The following MLLT1 variants were observed in gnomAD, a reference collection of about 807,000 sequenced individuals.
MLLT1 encodes protein ENL.
A neutral mutation model predicts 55.1 loss-of-function variants in MLLT1; 11 were observed. The observed-to-expected ratio is 0.20, with a 90% CI of 0.13 to 0.33. MLLT1 has a LOEUF of 0.33. Among genes scored for constraint, MLLT1 ranks in the 10% least tolerant of loss-of-function variants. MLLT1 has a pLI of 1.00. For missense variants in MLLT1, 536 were observed against 760.6 expected, an observed-to-expected ratio of 0.70 and a Z score of 3.47; for synonymous variants, 323 against 320.1, an observed-to-expected ratio of 1.01 and a Z score of -0.10.
intron 1 of MLLT1, among the ~76,000 whole-genome samples, chr19:6,274,905 A>G (rs2091420193): frequency 6.6e-6 from 1 of 152,238 alleles, no homozygotes; most frequent in Non-Finnish European, 1.5e-5. Flanking sequence ...CAGCTGGCAG[A>G]GGGCACTTGG....
chr19:6,261,291 G>A (rs916678638), intron 3 of MLLT1, among the ~76,000 whole-genome samples: 1 of 152,214 alleles, frequency 6.6e-6, no homozygotes, highest in Non-Finnish European at 1.5e-5. Context: ...ATCTGAAATC[G>A]GCCAAGCTGC....
intron 6 of MLLT1, among the ~76,000 whole-genome samples, chr19:6,220,626 G>A (rs558458563): frequency 1.3e-5 from 2 of 152,362 alleles, no homozygotes; most frequent in South Asian, 2.1e-4. Context: ...GGAGCGGGCC[G>A]TGGAGCTGCC....
chr19:6,257,993 T>C (rs1422305886), intron 3 of MLLT1, among the ~76,000 whole-genome samples: 1 of 152,154 alleles, frequency 6.6e-6, no homozygotes, highest in African/African-American at 2.4e-5. Flanking sequence ...AAAACAAGCA[T>C]TGCTGAGGAT....
intron 5 of MLLT1, among the ~76,000 whole-genome samples, chr19:6,224,830 T>C (rs56787791): frequency 0.059 from 9,012 of 152,162 alleles, 445 homozygotes; most frequent in East Asian, 0.15. Context: ...CCCGGGTTCA[T>C]GCCATTCTCC....
chr19:6,214,066 G>T (rs2090811694), intron 8 of MLLT1, 28 bp from the exon 9 acceptor site: 6 of 1,350,294 alleles, frequency 4.4e-6, no homozygotes, highest in Non-Finnish European at 5.8e-6. Context: ...GGCGCATCAG[G>T]CCCCTGCCGC....
At position 6,255,447 on chromosome 19, in the gene MLLT1, C is replaced by A. The variant is rs189160320; in HGVS notation, c.276+6781G>T. On this transcript the variant is annotated intron_variant, in intron 3 of 11. Transcript: ENST00000252674. ...GGCAGAGGTTGCAGTGAGCCAAGAT[C>A]GTGCCACTGCACTCCAGCCTAGGTG... 1.3e-3 allele frequency among the ~76,000 whole-genome samples: 200 copies of A among 152,222 alleles called. 1 individual carries two copies. Among genetic ancestry groups the A allele is most frequent in the African/African-American group, 4.7e-3 (196 of 41,522 alleles).
rs921157739 is a variant in MLLT1, at chr19:6,211,635, G to A, written c.*1407C>T. The A allele has an allele frequency of 3.8e-6, 4 of 1,064,908 alleles. No individual in the cohort carries two copies. The African/African-American group carries it at 6.6e-5, about 17-fold the overall frequency. The allele number at this position is 1,064,908 out of a possible 1,614,324, so 66.0% of individuals were successfully genotyped here. Reference sequence around the variant, plus strand: ...CCCTCTTTTCCTCATAACTTGGTCAGGGCACAAGGACTTGAAAGGACTTGA... The same window carrying A: ...CCCTCTTTTCCTCATAACTTGGTCAAGGCACAAGGACTTGAAAGGACTTGA... On this transcript the variant is annotated 3_prime_UTR_variant, in exon 12 of 12. Coordinates refer to ENST00000252674, the MANE Select transcript of MLLT1 (RefSeq NM_005934.4). This position sits in a 1 kb window ranked among gnomAD's most constrained non-coding sequence, Gnocchi z 4.6.
chr19:6,240,113 A>G lies in MLLT1; in HGVS notation c.277-9400T>C, dbSNP rs1490750158. ...AGGAATCAAACAGGAAAGAGGCAGAAAGGCCACCGGTGCCTCTGGCTGGGA... is the reference window on the plus strand; with the variant it reads ...AGGAATCAAACAGGAAAGAGGCAGAGAGGCCACCGGTGCCTCTGGCTGGGA... On this transcript the variant is annotated intron_variant, in intron 3 of 11. Coordinates refer to ENST00000252674, the MANE Select transcript of MLLT1 (RefSeq NM_005934.4). The surrounding 1 kb of genome is among the most constrained non-coding windows in gnomAD (Gnocchi z 4.7). 2.6e-5 allele frequency among the ~76,000 whole-genome samples: 4 copies of G among 152,116 alleles called. No homozygotes were observed. Among genetic ancestry groups the G allele is most frequent in the African/African-American group, 4.8e-5 (2 of 41,418 alleles).
In MLLT1 at chr19:6,230,207, T is replaced by C. The variant is rs963681744; in HGVS notation, c.420+363A>G. On this transcript the variant is annotated intron_variant, in intron 4 of 11. Transcript: ENST00000252674. This position sits in a 1 kb window ranked among gnomAD's most constrained non-coding sequence, Gnocchi z 9.0. ...CTCCCGAAGTCAGAGGTGATGGCGA[T>C]GCGCACGGCAGGGGCCCTGTGCGGA... Among the ~76,000 whole-genome samples, 8 of 152,204 alleles carry C rather than the reference T, an allele frequency of 5.3e-5. No homozygotes were observed. Among genetic ancestry groups the C allele is most frequent in the African/African-American group, 1.7e-4 (7 of 41,446 alleles).
At chr19:6,252,609 G>A (rs1443676718) in intron 3 of MLLT1, among the ~76,000 whole-genome samples, 6 of 152,174 alleles carry the variant, frequency 3.9e-5, no homozygotes, top group African/African-American at 1.4e-4. Context: ...ATGTACAGCT[G>A]TAAACACCTA....
chr19:6,230,063 T>TG lies in MLLT1; in HGVS notation c.420+506_420+507insC. ...GCGCCCACCCTGTTGCCAAGAGCCC[T>TG]CGTGGGGAACTCTGAGCCCCCACAG... On this transcript the variant is annotated intron_variant, in intron 4 of 11. Coordinates refer to ENST00000252674, the MANE Select transcript of MLLT1 (RefSeq NM_005934.4). The surrounding 1 kb of genome is among the most constrained non-coding windows in gnomAD (Gnocchi z 9.0). Among the ~76,000 whole-genome samples, 1 of 151,474 alleles carries TG rather than the reference T, an allele frequency of 6.6e-6. No individual in the cohort carries two copies. The highest frequency in any genetic ancestry group is 1.5e-5 in the Non-Finnish European group (1 of 67,876).
chr19:6,221,181 G>A (rs1450286561), intron 6 of MLLT1, among the ~76,000 whole-genome samples: 1 of 152,214 alleles, frequency 6.6e-6, no homozygotes, highest in Non-Finnish European at 1.5e-5. Flanking sequence ...AAGCTTCCTT[G>A]AGGGCAAGCC....
At chr19:6,263,687 G>A (rs1315621795) in intron 2 of MLLT1, among the ~76,000 whole-genome samples, 2 of 152,228 alleles carry the variant, frequency 1.3e-5, no homozygotes, top group Non-Finnish European at 2.9e-5. Context: ...GAAGCAAGAG[G>A]ACAGGAATAA....
At chr19:6,258,297 T>C (rs1460351064) in intron 3 of MLLT1, among the ~76,000 whole-genome samples, 2 of 152,202 alleles carry the variant, frequency 1.3e-5, no homozygotes, top group African/African-American at 4.8e-5. Context: ...CTGTCCGTCA[T>C]TCTGTGTAGA....
chr19:6,272,607 G>C (rs1011474306), intron 1 of MLLT1, among the ~76,000 whole-genome samples: 3 of 152,200 alleles, frequency 2.0e-5, no homozygotes, highest in Non-Finnish European at 4.4e-5. Flanking sequence ...TGCTGACGCA[G>C]CCCCCAGGGC....
At chr19:6,220,992 T>G (rs1266361209) in intron 6 of MLLT1, among the ~76,000 whole-genome samples, 1 of 152,184 alleles carries the variant, frequency 6.6e-6, no homozygotes. Context: ...AGCCCATGTG[T>G]CTATGAGCCA....
chr19:6,261,304 C>G (rs558377152), intron 3 of MLLT1, among the ~76,000 whole-genome samples: 2 of 152,102 alleles, frequency 1.3e-5, no homozygotes, highest in African/African-American at 4.8e-5. Flanking sequence ...CAAGCTGCAC[C>G]GGCTGAAACG....
rs115386585 is a variant in MLLT1, at chr19:6,226,656, A to G, written c.546+321T>C. On this transcript the variant is annotated intron_variant, in intron 5 of 11. Transcript: ENST00000252674. This position sits in a 1 kb window ranked among gnomAD's most constrained non-coding sequence, Gnocchi z 6.3. ...GACACTCTACCCAGCGGCCGCCCCA[A>G]CAGCCTTCGGCGAAGGTCTCAGGGC... Among the ~76,000 whole-genome samples the G allele has an allele frequency of 0.011, 1,702 of 152,240 alleles. 31 individuals are homozygous for G. Among genetic ancestry groups the G allele is most frequent in the African/African-American group, 0.039 (1,608 of 41,578 alleles).
At chr19:6,218,343 G>T (rs1277382646) in intron 6 of MLLT1, among the ~76,000 whole-genome samples, 1 of 152,252 alleles carries the variant, frequency 6.6e-6, no homozygotes, top group Non-Finnish European at 1.5e-5. Flanking sequence ...AGGTGCACAG[G>T]GTACTGGGAG....
Sources: gnomAD v4.1 joint callset for allele counts (sites outside exome capture counted in the v4.1 genomes callset) on GRCh38, gnomAD v4.1.1 for gene constraint, Gnocchi (gnomAD v3.1) non-coding constraint, MANE v1.5 for transcripts, NCBI Gene and HGNC (gene_info 2026-07-23, HGNC 2026-07-21) for gene names.